The following PPP2R3B variants were observed in gnomAD, a reference collection of about 807,000 sequenced individuals.
The protein encoded by PPP2R3B is serine/threonine-protein phosphatase 2A regulatory subunit B'' subunit beta.
In PPP2R3B, 68 loss-of-function variants were observed where a neutral mutation model predicts 72.9. That is an observed-to-expected ratio of 0.93 (90% CI 0.77 to 1.14). The LOEUF is 1.14. PPP2R3B is among the 50% of genes most tolerant of loss of function. The pLI, the probability that PPP2R3B is intolerant of heterozygous loss-of-function variation, is 0.00. For missense variants in PPP2R3B, 1,018 were observed against 842.0 expected (o/e 1.21, Z -2.59); for synonymous variants, 466 against 375.8 (o/e 1.24, Z -2.78).
At chrX:368,002 T>G (rs891358461) in intron 1 of PPP2R3B, among the ~76,000 whole-genome samples, 9 of 152,236 alleles carry the variant, frequency 5.9e-5, no homozygotes, top group African/African-American at 2.2e-4. Flanking sequence ...GACAGGCTGA[T>G]GCTAACTTTA....
At chrX:379,348 CTG>C (rs1212393554) in intron 1 of PPP2R3B, among the ~76,000 whole-genome samples, 129 of 143,784 alleles carry the variant, frequency 9.0e-4, no homozygotes, top group African/African-American at 3.5e-3. Context: ...TGTTATGCAC[CTG>C]TGTGTATGCA....
At chrX:340,300 G>A (rs1428893113) in intron 10 of PPP2R3B, among the ~76,000 whole-genome samples, 1 of 149,946 alleles carries the variant, frequency 6.7e-6, no homozygotes, top group African/African-American at 2.5e-5. Context: ...GTGAGCTCCG[G>A]CCCTAGGTTC....
intron 1 of PPP2R3B, among the ~76,000 whole-genome samples, chrX:385,648 A>G (rs1456898299): frequency 6.6e-6 from 1 of 152,142 alleles, no homozygotes; most frequent in Non-Finnish European, 1.5e-5. Context: ...TAAATAAACA[A>G]AAATTAGCCT....
chrX:350,543 G>A (rs1299984393), intron 2 of PPP2R3B, among the ~76,000 whole-genome samples: 2 of 147,322 alleles, frequency 1.4e-5, no homozygotes, highest in South Asian at 2.1e-4. Flanking sequence ...GAACACGACC[G>A]AGTGGACATG....
chrX:349,001 A>G (rs1364719511), intron 2 of PPP2R3B, among the ~76,000 whole-genome samples: 3 of 152,196 alleles, frequency 2.0e-5, no homozygotes, highest in Admixed American at 6.5e-5. Flanking sequence ...CAGAACACAC[A>G]GTAGCAAGTC....
rs933494536 is a variant in PPP2R3B at position 386,781 on chromosome X, C to T, written c.-90G>A. ...CCGCCCCGGACCGACCTCGGTGATG[C>T]GAGCACGGCCCGCTGAGGGGGCGCG... On this transcript the variant is annotated 5_prime_UTR_variant, in exon 1 of 13. Coordinates refer to ENST00000390665, the MANE Select transcript of PPP2R3B (RefSeq NM_013239.5). 1.0e-4 allele frequency: 80 copies of T among 788,590 alleles called. No individual in the cohort carries two copies. Among genetic ancestry groups the T allele is most frequent in the Non-Finnish European group, 1.3e-4 (76 of 607,288 alleles). 48.8% of individuals were successfully genotyped at this position (788,590 alleles called of 1,614,324 possible).
At position 346,679 on chromosome X, in the gene PPP2R3B, G is replaced by A. The variant is rs1259353486; in HGVS notation, c.792+22C>T. 2.5e-6 allele frequency: 4 copies of A among 1,595,850 alleles called. No individual in the cohort carries two copies. In the Admixed American group the frequency reaches 5.0e-5, roughly 20 times the overall value. On this transcript the variant is annotated intron_variant, in intron 5 of 12. Transcript: ENST00000390665. Reference sequence around the variant, plus strand: ...ACCCGCGCCCCGCGCTGGAACCGACGGCCCCTCCGCTGGGGACCCACCGTG... The same window carrying A: ...ACCCGCGCCCCGCGCTGGAACCGACAGCCCCTCCGCTGGGGACCCACCGTG...
intron 6 of PPP2R3B, 95 bp from the exon 7 acceptor site, chrX:345,767 C>A: frequency 2.9e-6 from 1 of 344,664 alleles, no homozygotes; most frequent in South Asian, 2.7e-5. Context: ...CTGGGAGGGT[C>A]GGGGCCGCTC....
At chrX:345,093 G>C in intron 7 of PPP2R3B, 1 of 461,988 alleles carries the variant, frequency 2.2e-6, no homozygotes, top group Admixed American at 2.4e-5. Flanking sequence ...ATGAACGACC[G>C]CTAAGCCTGG....
rs1194510150 is a variant in PPP2R3B, at chrX:340,630, GTCCGTCCCCTCTCCCTGGGCTGTCA to G, written c.1351+110_1351+134del. On this transcript the variant is annotated intron_variant, in intron 10 of 12. Coordinates refer to ENST00000390665, the MANE Select transcript of PPP2R3B (RefSeq NM_013239.5). ...CTCTCCCTGGGCCGTCCTCCCTCCC[GTCCGTCCCCTCTCCCTGGGCTGTCA>G]TCCGTCCCCTCTCCCTGGGCCGTCC... is the stretch of plus-strand genomic sequence containing the variant. The G allele has an allele frequency of 9.1e-5, 21 of 232,018 alleles. 2 individuals are homozygous for G. Among genetic ancestry groups the G allele is most frequent in the Admixed American group, 2.4e-4 (3 of 12,712 alleles). The allele number at this position is 232,018 out of a possible 1,614,324, so 14.4% of individuals were successfully genotyped here.
At chrX:341,181 G>T in intron 9 of PPP2R3B, 126 bp downstream of exon 9, 1 of 897,038 alleles carries the variant, frequency 1.1e-6, no homozygotes, top group Non-Finnish European at 1.8e-6. Flanking sequence ...CCCACCGGGC[G>T]TGCACATGTC....
At chrX:344,565 G>A (rs2738358) in intron 7 of PPP2R3B, among the ~76,000 whole-genome samples, 7,723 of 152,342 alleles carry the variant, frequency 0.051, 242 homozygotes, top group Middle Eastern at 0.11. Flanking sequence ...AGCTGGGGCC[G>A]CGCCGGGCCG....
rs1407493207 is a variant in PPP2R3B at position 375,797 on chromosome X, TGCCCTGTCCTGCCACGCCAGGTGACACAC to T, written c.324+10542_324+10570del. 2.0e-4 allele frequency among the ~76,000 whole-genome samples: 14 copies of T among 70,778 alleles called. No individual in the cohort carries two copies. The South Asian group carries it at 3.3e-3, about 17-fold the overall frequency. 46.4% of individuals were successfully genotyped at this position (70,778 alleles called of 152,430 possible). A position where few individuals can be genotyped will look rare whatever the true frequency, so the allele number is the denominator to read the frequency against. ...GCGCGATCCTCACACTCAGGCAACA[TGCCCTGTCCTGCCACGCCAGGTGACACAC>T]GCCCTGTCCTGCCACGGCGGGTGAC... On this transcript the variant is annotated intron_variant, in intron 1 of 12. Coordinates refer to ENST00000390665, the MANE Select transcript of PPP2R3B (RefSeq NM_013239.5).
At chrX:344,486 A>G (rs2071153331) in intron 7 of PPP2R3B, among the ~76,000 whole-genome samples, 1 of 152,242 alleles carries the variant, frequency 6.6e-6, no homozygotes, top group Non-Finnish European at 1.5e-5. Flanking sequence ...GTGCGTGAGA[A>G]ACAGCGCAGC....
Position 340,755 on chromosome X carries a change from G to A in PPP2R3B, c.1351+10C>T, listed in dbSNP as rs200794600. On this transcript the variant is annotated intron_variant, in intron 10 of 12. Coordinates refer to ENST00000390665, the MANE Select transcript of PPP2R3B (RefSeq NM_013239.5). ...CCCTCACCCTGGGCCATGCCCTCAC[G>A]GGGCATCACCTTCAGTCCTCGGCTT... The A allele has an allele frequency of 3.9e-5, 45 of 1,158,050 alleles. No homozygotes were observed. Among genetic ancestry groups the A allele is most frequent in the East Asian group, 2.1e-4 (4 of 18,756 alleles). 71.7% of individuals were successfully genotyped at this position (1,158,050 alleles called of 1,614,324 possible). A position where few individuals can be genotyped will look rare whatever the true frequency, so the allele number is the denominator to read the frequency against.
intron 1 of PPP2R3B, chrX:373,957 C>T (rs1287200761): frequency 6.5e-6 from 1 of 153,174 alleles, no homozygotes; most frequent in Non-Finnish European, 1.5e-5. Flanking sequence ...TCCGCTCCCT[C>T]CGGTCCTCTT....
chrX:371,839 A>C, intron 1 of PPP2R3B, among the ~76,000 whole-genome samples: 1 of 143,264 alleles, frequency 7.0e-6, no homozygotes, highest in South Asian at 2.2e-4. Context: ...ACCCCCAAAT[A>C]TGCCTGTAAT....
intron 12 of PPP2R3B, chrX:335,731 C>A (rs2070871657): frequency 6.6e-6 from 1 of 152,272 alleles, no homozygotes; most frequent in African/African-American, 2.4e-5. Flanking sequence ...GGCCCCTCGC[C>A]TCACTGATCA....
intron 1 of PPP2R3B, among the ~76,000 whole-genome samples, chrX:370,819 G>C (rs1400799980): frequency 1.3e-5 from 2 of 152,234 alleles, no homozygotes; most frequent in Non-Finnish European, 2.9e-5. Flanking sequence ...GGGACGCCCA[G>C]AGCCCAGGCT....
Sources: gnomAD v4.1 joint callset for allele counts (sites outside exome capture counted in the v4.1 genomes callset) on GRCh38, gnomAD v4.1.1 for gene constraint, MANE v1.5 for transcripts, NCBI Gene and HGNC (gene_info 2026-07-23, HGNC 2026-07-21) for gene names.